SOCS2: variants seen among roughly 807,000 people sequenced by gnomAD.
SOCS2 encodes suppressor of cytokine signaling 2, also known as CIS-2.
In SOCS2, 10 loss-of-function variants were observed where a neutral mutation model predicts 18.6. The observed-to-expected ratio is 0.54, with a 90% CI of 0.33 to 0.91. The LOEUF (loss-of-function observed/expected upper bound fraction) is 0.91. Among genes scored for constraint, SOCS2 ranks in the 40% least tolerant of loss-of-function variants. SOCS2 has a pLI of 0.02. For synonymous variants in SOCS2, 104 were observed against 104.0 expected (o/e 1.00, Z 0.00); for missense variants, 231 against 247.2 (o/e 0.93, Z 0.44).
the SOCS2 span, among the ~76,000 whole-genome samples, chr12:93,608,044 A>G: frequency 7.2e-6 from 1 of 139,510 alleles, no homozygotes; most frequent in Non-Finnish European, 1.5e-5. Flanking sequence ...TTTATCACCC[A>G]GGCTGGAATG....
At chr12:93,593,072 T>C in the SOCS2 span, among the ~76,000 whole-genome samples, 3 of 152,168 alleles carry the variant, frequency 2.0e-5, no homozygotes, top group African/African-American at 7.2e-5. Context: ...TCTCCCCTTT[T>C]GTGTTTGTTT....
the SOCS2 span, among the ~76,000 whole-genome samples, chr12:93,597,890 A>G: frequency 6.6e-6 from 1 of 152,204 alleles, no homozygotes; most frequent in East Asian, 1.9e-4. Context: ...TCACTGCATA[A>G]CTAGGTGTCT....
At chr12:93,614,619 CTTTCTTTCT>C in the SOCS2 span, among the ~76,000 whole-genome samples, 4 of 93,916 alleles carry the variant, frequency 4.3e-5, no homozygotes, top group East Asian at 2.5e-4. Context: ...TTCTTTCTTT[CTTTCTTTCT>C]TTCTTTTGAT....
the SOCS2 span, among the ~76,000 whole-genome samples, chr12:93,595,501 T>C: frequency 6.6e-6 from 1 of 152,240 alleles, no homozygotes; most frequent in South Asian, 2.1e-4. Flanking sequence ...ATTTCTTGCA[T>C]GTGTTTGTGC....
Position 93,575,136 on chromosome 12 carries a change from C to A in SOCS2, c.554C>A (p.Thr185Lys), listed in dbSNP as rs1471299140. ...GCCATCTGGGGACTGCCTTTACCAA[C>A]AAGACTAAAAGATTACTTGGAAGAA... Reference protein sequence around the residue: ...TGAIWGLPLPTRLKDYLEEYK... With the variant: ...TGAIWGLPLPKRLKDYLEEYK... Residue 185 changes from threonine to lysine, a missense_variant, in exon 2 of 2, where the codon ACA becomes AAA. Thr to Lys is a moderately conservative substitution (Grantham distance 78, BLOSUM62 -1). Coordinates refer to ENST00000551556, the MANE Select transcript of SOCS2 (RefSeq NM_001270471.2). The A allele has an allele frequency of 3.8e-6, 6 of 1,576,348 alleles. No homozygotes were observed. Among genetic ancestry groups the A allele is most frequent in the Non-Finnish European group, 4.3e-6 (5 of 1,167,864 alleles).
chr12:93,599,767 C>G, the SOCS2 span, among the ~76,000 whole-genome samples: 1 of 152,312 alleles, frequency 6.6e-6, no homozygotes, highest in East Asian at 1.9e-4. Flanking sequence ...TTCTCTTGCT[C>G]TCTTGCACAT....
intron 1 of SOCS2, chr12:93,573,285 C>T (rs1253056219): frequency 2.6e-5 from 15 of 586,352 alleles, no homozygotes; most frequent in South Asian, 2.4e-4. Context: ...CTTCTTAGCA[C>T]GCTGGAAGAT....
intron 1 of SOCS2, chr12:93,573,391 G>A: frequency 2.2e-6 from 1 of 459,802 alleles, no homozygotes; most frequent in South Asian, 4.9e-5. Context: ...GGTGCAATCA[G>A]CAAGTCGGTG....
chr12:93,619,735 A>C, the SOCS2 span, among the ~76,000 whole-genome samples: 1 of 152,130 alleles, frequency 6.6e-6, no homozygotes, highest in African/African-American at 2.4e-5. Context: ...TTTCCCTTGC[A>C]TTACACTAAA....
the SOCS2 span, among the ~76,000 whole-genome samples, chr12:93,600,908 C>G: frequency 6.6e-6 from 1 of 151,646 alleles, no homozygotes; most frequent in Admixed American, 6.6e-5. Context: ...TTTGCTTCAG[C>G]CTCCCAAGTA....
the SOCS2 span, among the ~76,000 whole-genome samples, chr12:93,600,681 T>G: frequency 2.0e-5 from 3 of 152,044 alleles, no homozygotes; most frequent in East Asian, 5.8e-4. Flanking sequence ...GATCTTGTAT[T>G]TCCTTTGTTA....
At chr12:93,608,695 G>A in the SOCS2 span, among the ~76,000 whole-genome samples, 223 of 152,154 alleles carry the variant, frequency 1.5e-3, 1 homozygote, top group African/African-American at 5.0e-3. Flanking sequence ...CTGACAATGC[G>A]ATGTCTTATT....
At chr12:93,577,339 TG>T (rs1411280590), downstream of SOCS2, among the ~76,000 whole-genome samples, 2 of 152,220 alleles carry the variant, frequency 1.3e-5, no homozygotes, top group Admixed American at 1.3e-4. Context: ...GGTTTTGTTT[TG>T]TTTTTTTACG....
chr12:93,615,788 G>T, the SOCS2 span, among the ~76,000 whole-genome samples: 1 of 152,134 alleles, frequency 6.6e-6, no homozygotes, highest in Admixed American at 6.5e-5. Flanking sequence ...TAGAGACAGG[G>T]TTTCACCATG....
chr12:93,582,942 T>C (rs2136713927), intron 1 of SOCS2: 1 of 152,014 alleles, frequency 6.6e-6, no homozygotes, highest in South Asian at 2.1e-4. Flanking sequence ...TTTACCTCTA[T>C]GCTATAATAT....
the SOCS2 span, among the ~76,000 whole-genome samples, chr12:93,611,842 C>G: frequency 2.0e-5 from 3 of 151,988 alleles, no homozygotes; most frequent in Non-Finnish European, 4.4e-5. Context: ...GTAAGACTTC[C>G]TTTGATATTC....
At chr12:93,572,056 A>G (rs1003072722), upstream of SOCS2, 1 of 203,648 alleles carries the variant, frequency 4.9e-6, no homozygotes, top group Non-Finnish European at 1.0e-5. The surrounding 1 kb of genome is among the most constrained non-coding windows in gnomAD (Gnocchi z 5.0). Flanking sequence ...GAACCACCGC[A>G]GCCATCCTGG....
intron 1 of SOCS2, chr12:93,573,521 G>C (rs1000688528): frequency 7.6e-6 from 2 of 262,418 alleles, no homozygotes; most frequent in East Asian, 6.8e-5. Context: ...CCCGGGCGTC[G>C]AGAGTAGGCT....
chr12:93,575,803 A>G lies in SOCS2; in HGVS notation c.*624A>G, dbSNP rs1325424032. ...TCTCATGTGAATGAGTACTGTAGTA[A>G]TCCATTCTATGGGAGCCTTATTTCA... On this transcript the variant is annotated 3_prime_UTR_variant, in exon 2 of 2. Transcript: ENST00000551556. The G allele has an allele frequency of 6.6e-6, 1 of 152,646 alleles. No homozygotes were observed. Among genetic ancestry groups the G allele is most frequent in the Non-Finnish European group, 1.5e-5 (1 of 68,046 alleles). The allele number at this position is 152,646 out of a possible 1,614,324, so 9.5% of individuals were successfully genotyped here.
Sources: gnomAD v4.1 joint callset for allele counts (sites outside exome capture counted in the v4.1 genomes callset) on GRCh38, gnomAD v4.1.1 for gene constraint, Gnocchi (gnomAD v3.1) non-coding constraint, MANE v1.5 for transcripts, NCBI Gene and HGNC (gene_info 2026-07-23, HGNC 2026-07-21) for gene names.